The following GPR137 variants were observed in gnomAD, a reference collection of about 807,000 sequenced individuals.
GPR137 encodes the protein integral membrane protein GPR137.
A neutral mutation model predicts 38.9 loss-of-function variants in GPR137; 20 were observed. The ratio of observed to expected loss-of-function variants is 0.51; its 90% CI spans 0.36 to 0.75. GPR137 has a LOEUF of 0.75. Ranked by LOEUF, GPR137 falls within the 30% of genes least tolerant of loss-of-function variation. The pLI, the probability that GPR137 is intolerant of heterozygous loss-of-function variation, is 0.00. For missense variants in GPR137, 456 were observed against 526.4 expected (o/e 0.87, Z 1.31); for synonymous variants, 226 against 235.8 (o/e 0.96, Z 0.38).
rs561497512 is a variant in GPR137 at position 64,289,193 on chromosome 11, G to A, written c.1188G>A (p.Thr396=). The A allele has an allele frequency of 5.8e-5, 93 of 1,612,616 alleles. No individual in the cohort carries two copies. Among genetic ancestry groups the A allele is most frequent in the Non-Finnish European group, 7.5e-5 (89 of 1,179,044 alleles). Reference sequence around the variant, plus strand: ...ACAGTCTCTACTCCACCCCACAGACGTGATCCCCCTCCCTCCCCCACAGAA... The same window carrying A: ...ACAGTCTCTACTCCACCCCACAGACATGATCCCCCTCCCTCCCCCACAGAA... ...HHHSLYSTPQ[T] Residue 396 remains threonine (T), a synonymous_variant, in exon 7 of 7, where the codon ACG becomes ACA. Coordinates refer to ENST00000438980, the MANE Select transcript of GPR137 (RefSeq NM_001170880.2).
chr11:64,284,375 G>C, upstream of GPR137: 1 of 1,612,646 alleles, frequency 6.2e-7, no homozygotes. Flanking sequence ...ACATGCTCTG[G>C]GCTGTGAGGA....
At chr11:64,278,239 A>G (rs1298642228) in intron 2 of GPR137, among the ~76,000 whole-genome samples, 1 of 152,050 alleles carries the variant, frequency 6.6e-6, no homozygotes, top group East Asian at 1.9e-4. Flanking sequence ...GGCTTTATAA[A>G]TATATAAAGC....
chr11:64,286,162 A>G lies in GPR137; in HGVS notation c.-363A>G. 9.6e-7 allele frequency: 1 copy of G among 1,041,940 alleles called. No individual in the cohort carries two copies. Among genetic ancestry groups the G allele is most frequent in the South Asian group, 4.3e-5 (1 of 23,218 alleles). 64.5% of individuals were successfully genotyped at this position (1,041,940 alleles called of 1,614,324 possible). On this transcript the variant is annotated 5_prime_UTR_variant, in exon 1 of 7. Coordinates refer to ENST00000438980, the MANE Select transcript of GPR137 (RefSeq NM_001170880.2). ...ATCAGCCGGCTCTCCCCCTCCACCC[A>G]GGACGACATGAACGACCGAGGCCAG...
chr11:64,287,983 G>A (rs1444924215), intron 3 of GPR137, 37 bp downstream of exon 3: 1 of 1,601,368 alleles, frequency 6.2e-7, no homozygotes, highest in Non-Finnish European at 8.5e-7. Flanking sequence ...TGTCTTTTGG[G>A]TCTCTCGGCA....
At position 64,286,168 on chromosome 11, in the gene GPR137, A is replaced by G; in HGVS notation, c.-357A>G. 9.5e-7 allele frequency: 1 copy of G among 1,051,452 alleles called. No homozygotes were observed. The highest frequency in any genetic ancestry group is 5.4e-5 in the Admixed American group (1 of 18,492). The allele number at this position is 1,051,452 out of a possible 1,614,324, so 65.1% of individuals were successfully genotyped here. A position where few individuals can be genotyped will look rare whatever the true frequency, so the allele number is the denominator to read the frequency against. ...CGGCTCTCCCCCTCCACCCAGGACG[A>G]CATGAACGACCGAGGCCAGGGAGTC... On this transcript the variant is annotated 5_prime_UTR_variant, in exon 1 of 7. Transcript: ENST00000438980.
rs758125443 is a variant in GPR137 at position 64,288,582 on chromosome 11, G to C, written c.913-21G>C. On this transcript the variant is annotated intron_variant, in intron 5 of 6. Coordinates refer to ENST00000438980, the MANE Select transcript of GPR137 (RefSeq NM_001170880.2). This position sits in a 1 kb window ranked among gnomAD's most constrained non-coding sequence, Gnocchi z 5.5. ...CCAGTGCAGGACAGGAGTAAGTATCGATGATGGCTTCCTCCCCCAGAGCAC... is the reference window on the plus strand; with the variant it reads ...CCAGTGCAGGACAGGAGTAAGTATCCATGATGGCTTCCTCCCCCAGAGCAC... The C allele has an allele frequency of 1.9e-6, 3 of 1,613,240 alleles. No individual in the cohort carries two copies. Among genetic ancestry groups the C allele is most frequent in the Admixed American group, 1.7e-5 (1 of 59,960 alleles).
rs929495350 is a variant in GPR137, at chr11:64,277,069, G to A, written c.-16+648G>A. ...CTGTTTTATAGATGAGGAAACAGAG[G>A]CACACTTAATTACAAGACACTTGCA... On this transcript the variant is annotated intron_variant, in intron 2 of 2. Transcript: ENST00000538244. 3 of 702,086 alleles carry A rather than the reference G, an allele frequency of 4.3e-6. No homozygotes were observed. The African/African-American group carries it at 5.3e-5, about 12-fold the overall frequency. 43.5% of individuals were successfully genotyped at this position (702,086 alleles called of 1,614,324 possible).
At chr11:64,287,413 G>A (rs1464293039) in intron 2 of GPR137, 2 of 750,468 alleles carry the variant, frequency 2.7e-6, no homozygotes, top group Non-Finnish European at 3.3e-6. Flanking sequence ...TCCCTGAGAG[G>A]CTACTATCCT....
At chr11:64,279,160 G>C (rs2033261421) in intron 2 of GPR137, among the ~76,000 whole-genome samples, 1 of 152,008 alleles carries the variant, frequency 6.6e-6, no homozygotes, top group South Asian at 2.1e-4. Flanking sequence ...TCTCCCCTCA[G>C]ACTCATTCCC....
upstream of GPR137, chr11:64,284,263 T>C: frequency 6.2e-7 from 1 of 1,611,294 alleles, no homozygotes; most frequent in Non-Finnish European, 8.5e-7. Context: ...CGATGATGCT[T>C]GCCGGAGCCT....
intron 2 of GPR137, chr11:64,276,812 C>A (rs72922077): frequency 0.27 from 177,383 of 666,854 alleles, 26,745 homozygotes; most frequent in Non-Finnish European, 0.32. Flanking sequence ...CCTGCCCACT[C>A]TTGCCATCCG....
chr11:64,277,357 T>C (rs2033146054), intron 2 of GPR137, among the ~76,000 whole-genome samples: 1 of 152,214 alleles, frequency 6.6e-6, no homozygotes, highest in African/African-American at 2.4e-5. Flanking sequence ...CAGAAGCCCC[T>C]TCAGGCCTGC....
upstream of GPR137, chr11:64,271,584 G>A: frequency 7.1e-7 from 1 of 1,399,804 alleles, no homozygotes; most frequent in Non-Finnish European, 9.3e-7. Context: ...GGTACTTCAG[G>A]TCCTGGCACG....
chr11:64,281,708 C>G (rs1167620087), upstream of GPR137, among the ~76,000 whole-genome samples: 1 of 152,198 alleles, frequency 6.6e-6, no homozygotes, highest in Non-Finnish European at 1.5e-5. Context: ...CCCCCCGCCC[C>G]TGTGACTCCG....
upstream of GPR137, chr11:64,285,076 G>A: frequency 1.8e-6 from 2 of 1,084,914 alleles, no homozygotes; most frequent in Non-Finnish European, 2.3e-6. Context: ...GGGCGAAGGC[G>A]CTTGGCACAG....
chr11:64,276,314 G>GTGTGTGTGTGTATA (rs755265862), intron 1 of GPR137: 23 of 148,550 alleles, frequency 1.5e-4, no homozygotes, highest in African/African-American at 5.3e-4. Context: ...GTGTGTGTGT[G>GTGTGTGTGTGTATA]TATATATATA....
intron 2 of GPR137, chr11:64,276,785 G>A (rs1408461022): frequency 9.5e-6 from 6 of 629,458 alleles, no homozygotes; most frequent in Admixed American, 2.4e-5. Context: ...GGGTGTGAAC[G>A]TGGGTGGGTG....
At chr11:64,285,684 C>T (rs2033898688), upstream of GPR137, 1 of 985,120 alleles carries the variant, frequency 1.0e-6, no homozygotes, top group Non-Finnish European at 1.2e-6. Context: ...CTCGGCCGCC[C>T]TCCTGCCGCC....
At chr11:64,280,162 AC>A (rs2033353069), upstream of GPR137, among the ~76,000 whole-genome samples, 1 of 150,576 alleles carries the variant, frequency 6.6e-6, no homozygotes, top group Non-Finnish European at 1.5e-5. Context: ...CTAAAAACAC[AC>A]AAAAAAATTA....
Sources: allele counts gnomAD v4.1 joint callset (sites outside exome capture counted in the v4.1 genomes callset), GRCh38; gene constraint gnomAD v4.1.1; non-coding constraint Gnocchi (gnomAD v3.1); transcripts MANE v1.5; gene names NCBI Gene and HGNC (gene_info 2026-07-23, HGNC 2026-07-21).